Variants in RAPH1 observed in about 807,000 individuals in gnomAD.
RAPH1 encodes the protein Ras association (RalGDS/AF-6) and pleckstrin homology domains 1.
Under a neutral mutation model 88.1 loss-of-function variants are expected in RAPH1, and 18 were observed. That is an observed-to-expected ratio of 0.20 (90% CI 0.14 to 0.30). RAPH1 has a LOEUF of 0.30. Among genes scored for constraint, RAPH1 ranks in the 10% least tolerant of loss-of-function variants. The probability of loss-of-function intolerance (pLI) is 1.00; values close to 1 mark genes in which losing one functional copy is unlikely to be tolerated. For missense variants in RAPH1, 1,448 were observed against 1,543.2 expected (o/e 0.94, Z 1.03); for synonymous variants, 587 against 559.0 (o/e 1.05, Z -0.71).
chr2:203,469,762 T>G (rs1165713247), intron 4 of RAPH1, among the ~76,000 whole-genome samples: 1 of 152,218 alleles, frequency 6.6e-6, no homozygotes, highest in Non-Finnish European at 1.5e-5. Flanking sequence ...CAATTAAAAT[T>G]GCAGCTTCCT....
rs1323230931 is a variant in RAPH1 at position 203,448,900 on chromosome 2, C to A, written c.1414-64G>T. ...AGAACTAAAGAAAAACAAACTTTAT[C>A]AAAGCTTAAACATATCCTGACAAGT... On this transcript the variant is annotated intron_variant, in intron 10 of 13. Coordinates refer to ENST00000319170, the MANE Select transcript of RAPH1 (RefSeq NM_213589.3). The surrounding 1 kb of genome is among the most constrained non-coding windows in gnomAD (Gnocchi z 4.1). 9.1e-7 allele frequency: 1 copy of A among 1,096,744 alleles called. No homozygotes were observed. Among genetic ancestry groups the A allele is most frequent in the South Asian group, 1.4e-5 (1 of 70,654 alleles). 67.9% of individuals were successfully genotyped at this position (1,096,744 alleles called of 1,614,324 possible).
Position 203,448,771 on chromosome 2 carries a change from C to T in RAPH1, c.1479G>A (p.Leu493=), listed in dbSNP as rs967293632. ...KYLCCDDVRT[L]HQWVNGIRIA... ...TGCGGATCCCATTGACCCACTGATG[C>T]AGTGTCCTCACATCATCACAACAAA... Residue 493 remains leucine, a synonymous_variant, in exon 11 of 14, where the codon CTG becomes CTA. Coordinates refer to ENST00000319170, the MANE Select transcript of RAPH1 (RefSeq NM_213589.3). This position sits in a 1 kb window ranked among gnomAD's most constrained non-coding sequence, Gnocchi z 4.1. The T allele has an allele frequency of 3.7e-6, 6 of 1,609,850 alleles. No homozygotes were observed. The highest frequency in any genetic ancestry group is 5.1e-6 in the Non-Finnish European group (6 of 1,177,844).
Position 203,441,252 on chromosome 2 carries a change from AGGAGGGGGTGGTGGAGGGGGTGGT to A in RAPH1, c.1914_1937del (p.Pro641_Pro648del). Reference sequence around the variant, plus strand: ...GTGCAGACTGGCTGGGGAGTGGGGGAGGAGGGGGTGGTGGAGGGGGTGGTGGAGGAGGAGGTGGGGGTGGCGGAG... The same window carrying A: ...GTGCAGACTGGCTGGGGAGTGGGGGAGGAGGAGGAGGTGGGGGTGGCGGAG... On this transcript the variant is annotated inframe_deletion, in exon 14 of 14. Transcript: ENST00000319170. 1 of 301,470 alleles carries A rather than the reference AGGAGGGGGTGGTGGAGGGGGTGGT, an allele frequency of 3.3e-6. No individual in the cohort carries two copies. Among genetic ancestry groups the A allele is most frequent in the Non-Finnish European group, 4.4e-6 (1 of 227,928 alleles). The allele number at this position is 301,470 out of a possible 1,614,324, so 18.7% of individuals were successfully genotyped here. A position where few individuals can be genotyped will look rare whatever the true frequency, so the allele number is the denominator to read the frequency against.
chr2:203,511,457 G>T (rs1419326357), intron 1 of RAPH1, among the ~76,000 whole-genome samples: 1 of 152,064 alleles, frequency 6.6e-6, no homozygotes, highest in African/African-American at 2.4e-5. Context: ...TTATTTCAAG[G>T]CATATGATTT....
intron 4 of RAPH1, among the ~76,000 whole-genome samples, chr2:203,470,057 C>T (rs910833958): frequency 3.3e-5 from 5 of 152,160 alleles, no homozygotes; most frequent in African/African-American, 7.2e-5. Flanking sequence ...ATATTTTGTA[C>T]TCTCAATATT....
At position 203,491,276 on chromosome 2, in the gene RAPH1, G is replaced by C. The variant is rs1323415023; in HGVS notation, c.164C>G (p.Pro55Arg). ...GGCCATGTTTGTTTCCTGGCGAAGA[G>C]GAGATCTTTTTACTGGTTCCATGGG... is the stretch of plus-strand genomic sequence containing the variant. ...DKPMEPVKRS[P>R]LRQETNMANF... The change falls in exon 3 of 14, where the codon CCT (proline) becomes CGT (arginine). Residue 55 changes from proline to arginine, a missense_variant. Physicochemically the swap from Pro to Arg is moderately radical, Grantham distance 103 (BLOSUM62 -2). Transcript: ENST00000319170. The C allele has an allele frequency of 3.7e-6, 6 of 1,613,554 alleles. No homozygotes were observed. The highest frequency in any genetic ancestry group is 5.1e-6 in the Non-Finnish European group (6 of 1,179,764).
At chr2:203,461,743 G>T in intron 5 of RAPH1, 105 bp downstream of exon 5, 4 of 747,636 alleles carry the variant, frequency 5.4e-6, no homozygotes, top group South Asian at 2.3e-5. Context: ...AAATGCCCCT[G>T]TATCTCTCCA....
intron 9 of RAPH1, 141 bp downstream of exon 9, chr2:203,455,296 G>A: frequency 1.4e-6 from 1 of 712,468 alleles, no homozygotes; most frequent in Non-Finnish European, 2.2e-6. Context: ...CTTTATAATA[G>A]ATTAATAAAC....
Position 203,495,310 on chromosome 2 carries a change from T to C in RAPH1, c.44A>G (p.Glu15Gly). 1 of 1,614,098 alleles carries C rather than the reference T, an allele frequency of 6.2e-7. No homozygotes were observed. Among genetic ancestry groups the C allele is most frequent in the Non-Finnish European group, 8.5e-7 (1 of 1,179,970 alleles). The change falls in exon 2 of 14, where the codon GAA (glutamate) becomes GGA (glycine). Residue 15 changes from glutamate (E) to glycine (G), a missense_variant. Physicochemically the swap from Glu to Gly is moderately conservative, Grantham distance 98. Coordinates refer to ENST00000319170, the MANE Select transcript of RAPH1 (RefSeq NM_213589.3). ...SDEEIDHGAE[E>G]DSDKEDQDLD... ...GTCCTGATCTTCCTTGTCACTGTCT[T>C]CTTCAGCACCATGATCAATTTCTTC... is the stretch of plus-strand genomic sequence containing the variant.
chr2:203,514,748 G>A (rs765609476), intron 1 of RAPH1, among the ~76,000 whole-genome samples: 2 of 151,926 alleles, frequency 1.3e-5, no homozygotes, highest in East Asian at 1.9e-4. Context: ...TAGAGACGAG[G>A]TTTCACCGTG....
intron 4 of RAPH1, among the ~76,000 whole-genome samples, chr2:203,485,908 C>A (rs1319229030): frequency 6.6e-6 from 1 of 151,824 alleles, no homozygotes; most frequent in Non-Finnish European, 1.5e-5. Flanking sequence ...GCTGAGAAAC[C>A]CTGACCTAGA....
chr2:203,469,209 C>T (rs758100627), intron 4 of RAPH1, among the ~76,000 whole-genome samples: 5 of 151,866 alleles, frequency 3.3e-5, no homozygotes, highest in African/African-American at 4.8e-5. Context: ...AAATAGAGAA[C>T]GAAGAGGGAA....
chr2:203,488,771 C>G (rs1412294700), intron 4 of RAPH1, among the ~76,000 whole-genome samples: 1 of 151,982 alleles, frequency 6.6e-6, no homozygotes, highest in Non-Finnish European at 1.5e-5. Context: ...AACTCAGAAT[C>G]AAGTTTCCTG....
At chr2:203,513,896 G>A (rs1689478468) in intron 1 of RAPH1, among the ~76,000 whole-genome samples, 1 of 151,408 alleles carries the variant, frequency 6.6e-6, no homozygotes, top group Admixed American at 6.6e-5. Context: ...CCAGGCTGGA[G>A]TGCAGTGGTG....
chr2:203,532,529 A>C (rs1690436110), intron 1 of RAPH1, among the ~76,000 whole-genome samples: 1 of 152,228 alleles, frequency 6.6e-6, no homozygotes, highest in Non-Finnish European at 1.5e-5. Flanking sequence ...CAGCTCTGCC[A>C]CTATAGCTCT....
At position 203,440,677 on chromosome 2, in the gene RAPH1, G is replaced by A. The variant is rs2098502795; in HGVS notation, c.2513C>T (p.Pro838Leu). 6.3e-6 allele frequency: 10 copies of A among 1,578,416 alleles called. No homozygotes were observed. Among genetic ancestry groups the A allele is most frequent in the Non-Finnish European group, 8.6e-6 (10 of 1,160,686 alleles). Residue 838 changes from proline (P) to leucine (L), a missense_variant, in exon 14 of 14, where the codon CCA (proline) becomes CTA (leucine). Transcript: ENST00000319170. Reference sequence around the variant, plus strand: ...GAAGCTCTGTTGCTTGGGTAATGTTGGCGGGGGTACTGGAACAGGAGGGGT... The same window carrying A: ...GAAGCTCTGTTGCTTGGGTAATGTTAGCGGGGGTACTGGAACAGGAGGGGT... ...PPTPPVPVPPPTLPKQQSFCA... is the reference protein window; with the variant it reads ...PPTPPVPVPPLTLPKQQSFCA...
intron 1 of RAPH1, among the ~76,000 whole-genome samples, chr2:203,530,302 AT>A (rs1690331528): frequency 6.6e-6 from 1 of 152,336 alleles, no homozygotes; most frequent in African/African-American, 2.4e-5. Context: ...AAGCATTGCT[AT>A]TTTATGTTCA....
chr2:203,503,382 G>A (rs1037684738), intron 1 of RAPH1, among the ~76,000 whole-genome samples: 2 of 152,132 alleles, frequency 1.3e-5, no homozygotes, highest in Non-Finnish European at 1.5e-5. Context: ...GAGGGCCTCA[G>A]AATCATGGCA....
rs1458699511 is a variant in RAPH1 at position 203,437,149 on chromosome 2, G to GCAAGAAATTC, written c.*2278_*2287dup. ...ATGGCTATCATCAGGATTGATACAA[G>GCAAGAAATTC]CAAGAAATTCCAAGAAATCCTGCAC... On this transcript the variant is annotated 3_prime_UTR_variant, in exon 14 of 14. Coordinates refer to ENST00000319170, the MANE Select transcript of RAPH1 (RefSeq NM_213589.3). 1 of 152,174 alleles carries GCAAGAAATTC rather than the reference G, an allele frequency of 6.6e-6. No homozygotes were observed. The highest frequency in any genetic ancestry group is 1.5e-5 in the Non-Finnish European group (1 of 68,036). The allele number at this position is 152,174 out of a possible 1,614,324, so 9.4% of individuals were successfully genotyped here. A position where few individuals can be genotyped will look rare whatever the true frequency, so the allele number is the denominator to read the frequency against.
Sources: allele counts gnomAD v4.1 joint callset (sites outside exome capture counted in the v4.1 genomes callset), GRCh38; gene constraint gnomAD v4.1.1; non-coding constraint Gnocchi (gnomAD v3.1); transcripts MANE v1.5; gene names NCBI Gene and HGNC (gene_info 2026-07-23, HGNC 2026-07-21).